Variants in PNKD observed in about 807,000 individuals in gnomAD.
The protein encoded by PNKD is probable thioesterase PNKD.
Under a neutral mutation model 45.3 loss-of-function variants are expected in PNKD, and 36 were observed. The ratio of observed to expected loss-of-function variants is 0.80; its 90% CI spans 0.61 to 1.05. The LOEUF is 1.05. PNKD is among the 50% of genes least tolerant of loss of function. The pLI, the probability that PNKD is intolerant of heterozygous loss-of-function variation, is 0.00. For missense variants in PNKD, 511 were observed against 506.6 expected (o/e 1.01, Z -0.08); for synonymous variants, 197 against 210.1 (o/e 0.94, Z 0.54).
At chr2:218,273,011 T>G in intron 2 of PNKD, 2 of 1,145,756 alleles carry the variant, frequency 1.7e-6, no homozygotes, top group Non-Finnish European at 2.3e-6. Flanking sequence ...GTTACTCATG[T>G]GTGCTCCCTC....
intron 2 of PNKD, among the ~76,000 whole-genome samples, chr2:218,299,532 C>T (rs1047862262): frequency 3.9e-5 from 6 of 152,192 alleles, no homozygotes; most frequent in Non-Finnish European, 8.8e-5. Flanking sequence ...GCAGCCTCAG[C>T]CCCCTGGGCT....
chr2:218,278,997 C>A, intron 2 of PNKD: 1 of 1,611,906 alleles, frequency 6.2e-7, no homozygotes, highest in Non-Finnish European at 8.5e-7. Flanking sequence ...GAAGCTGCCA[C>A]CCCTGCCTCC....
intron 2 of PNKD, among the ~76,000 whole-genome samples, chr2:218,299,620 ATTT>A (rs757410351): frequency 7.4e-6 from 1 of 135,608 alleles, no homozygotes. Flanking sequence ...AATTTTTGTA[ATTT>A]TTTTTTTTTT....
chr2:218,307,723 C>T (rs926395589), intron 2 of PNKD, among the ~76,000 whole-genome samples: 1 of 152,144 alleles, frequency 6.6e-6, no homozygotes, highest in African/African-American at 2.4e-5. Context: ...GTGGACATTT[C>T]TCCTTTGAAG....
At chr2:218,323,377 G>C (rs753560066) in intron 2 of PNKD, 4 of 1,578,638 alleles carry the variant, frequency 2.5e-6, no homozygotes, top group Non-Finnish European at 3.4e-6. Flanking sequence ...CGAGCGCGGC[G>C]GGGCCTCCGC....
intron 2 of PNKD, chr2:218,277,463 A>G (rs766742640): frequency 1.9e-6 from 3 of 1,614,020 alleles, no homozygotes; most frequent in South Asian, 2.2e-5. Context: ...ACTGGGGAGA[A>G]GCAGGAGTTA....
chr2:218,332,639 C>A (rs1694362367), intron 2 of PNKD, among the ~76,000 whole-genome samples: 1 of 152,070 alleles, frequency 6.6e-6, no homozygotes, highest in African/African-American at 2.4e-5. Flanking sequence ...AGCCCACATC[C>A]AAGCCAGGCA....
At position 218,308,188 on chromosome 2, in the gene PNKD, ATTTTTT is replaced by A. The variant is rs36099207; in HGVS notation, c.237-31582_237-31577del. On this transcript the variant is annotated intron_variant, in intron 2 of 9. Transcript: ENST00000273077. ...AAGATTATGACTGGAAGCATTTTAGATTTTTTTTTTTTTTTTTTGAGACAGAGTCTC... is the reference window on the plus strand; with the variant it reads ...AAGATTATGACTGGAAGCATTTTAGATTTTTTTTTTTTGAGACAGAGTCTC... Among the ~76,000 whole-genome samples the A allele has an allele frequency of 9.4e-5, 13 of 137,588 alleles. No homozygotes were observed. The South Asian group carries it at 2.8e-3, about 30-fold the overall frequency. The allele number at this position is 137,588 out of a possible 152,430, so 90.3% of individuals were successfully genotyped here. A position where few individuals can be genotyped will look rare whatever the true frequency, so the allele number is the denominator to read the frequency against.
chr2:218,272,914 CAAAT>C (rs1690908296), intron 2 of PNKD: 1 of 1,529,630 alleles, frequency 6.5e-7, no homozygotes, highest in South Asian at 1.2e-5. Flanking sequence ...CAGCCAAAGG[CAAAT>C]AAAGTTATTG....
chr2:218,344,632 A>G, intron 9 of PNKD, 62 bp downstream of exon 9: 1 of 1,472,732 alleles, frequency 6.8e-7, no homozygotes, highest in East Asian at 2.3e-5. Flanking sequence ...ACGGGAACCC[A>G]TCCATGCTGA....
intron 2 of PNKD, among the ~76,000 whole-genome samples, chr2:218,307,365 T>C (rs1408412751): frequency 6.6e-6 from 1 of 151,936 alleles, no homozygotes; most frequent in African/African-American, 2.4e-5. Flanking sequence ...GTACAATCAA[T>C]GGGAACCCTG....
intron 2 of PNKD, among the ~76,000 whole-genome samples, chr2:218,337,367 C>T (rs935079080): frequency 4.6e-5 from 7 of 152,200 alleles, no homozygotes; most frequent in African/African-American, 1.7e-4. Flanking sequence ...GCCACCGCGC[C>T]CGGCCTTCAA....
At chr2:218,278,854 G>C (rs956851784) in intron 2 of PNKD, among the ~76,000 whole-genome samples, 1 of 152,196 alleles carries the variant, frequency 6.6e-6, no homozygotes, top group African/African-American at 2.4e-5. Context: ...TCTTGCTCTC[G>C]AGTTCTAGGG....
chr2:218,298,908 G>A lies in PNKD; in HGVS notation c.236+27359G>A, dbSNP rs903381545. The stretch of plus-strand genomic sequence containing the variant: ...CTACTCCCCAAGAAAAGCCAACAGC[G>A]ATTTCCTCTTATTCCCAACCCACGA... On this transcript the variant is annotated intron_variant, in intron 2 of 9. Coordinates refer to ENST00000273077, the MANE Select transcript of PNKD (RefSeq NM_015488.5). Among the ~76,000 whole-genome samples, 6 of 151,986 alleles carry A rather than the reference G, an allele frequency of 3.9e-5. No individual in the cohort carries two copies. The East Asian group carries it at 5.8e-4, about 15-fold the overall frequency.
At chr2:218,304,132 G>A (rs948860842) in intron 2 of PNKD, among the ~76,000 whole-genome samples, 1 of 152,008 alleles carries the variant, frequency 6.6e-6, no homozygotes, top group African/African-American at 2.4e-5. Context: ...CCTATCAGTT[G>A]GGCCTGTCCA....
At chr2:218,279,694 C>T (rs1394340895) in intron 2 of PNKD, among the ~76,000 whole-genome samples, 1 of 152,122 alleles carries the variant, frequency 6.6e-6, no homozygotes, top group Non-Finnish European at 1.5e-5. Context: ...GGGTTACAAG[C>T]GAGTAGGATC....
intron 2 of PNKD, among the ~76,000 whole-genome samples, chr2:218,301,415 AGC>A (rs1359315252): frequency 6.6e-6 from 1 of 152,084 alleles, no homozygotes; most frequent in East Asian, 1.9e-4. Context: ...ACATCTAGGA[AGC>A]GGTTGGAACA....
chr2:218,306,739 G>A (rs2014597), intron 2 of PNKD, among the ~76,000 whole-genome samples: 5,595 of 152,196 alleles, frequency 0.037, 115 homozygotes, highest in African/African-American at 0.048. Flanking sequence ...ATGGGGCAGC[G>A]CCAGGAATTA....
At chr2:218,319,233 G>A (rs1230719719) in intron 2 of PNKD, among the ~76,000 whole-genome samples, 10 of 151,680 alleles carry the variant, frequency 6.6e-5, no homozygotes, top group Admixed American at 2.0e-4. Flanking sequence ...GATTACAGGC[G>A]TGAACCACTG....
Sources: allele counts gnomAD v4.1 joint callset (sites outside exome capture counted in the v4.1 genomes callset), GRCh38; gene constraint gnomAD v4.1.1; transcripts MANE v1.5; gene names NCBI Gene and HGNC (gene_info 2026-07-23, HGNC 2026-07-21).